The following ZMIZ1 variants were observed in gnomAD, a reference collection of about 807,000 sequenced individuals.
The protein encoded by ZMIZ1 is zinc finger MIZ-type containing 1, also known as zinc finger MIZ domain-containing protein 1.
A neutral mutation model predicts 113.9 loss-of-function variants in ZMIZ1; 17 were observed. The observed-to-expected ratio is 0.15, with a 90% CI of 0.10 to 0.22. The LOEUF is 0.22. ZMIZ1 is among the 10% of genes least tolerant of loss of function. The pLI is 1.00. For synonymous variants in ZMIZ1, 607 were observed against 603.1 expected, an observed-to-expected ratio of 1.01 and a Z score of -0.09; for missense variants, 1,059 against 1,477.8, an observed-to-expected ratio of 0.72 and a Z score of 4.65.
At position 79,296,888 on chromosome 10, in the gene ZMIZ1, T is replaced by C. The variant is rs900918093; in HGVS notation, c.1413+235T>C. 2.5e-6 allele frequency: 1 copy of C among 402,530 alleles called. No individual in the cohort carries two copies. The highest frequency in any genetic ancestry group is 4.4e-6 in the Non-Finnish European group (1 of 228,050). The allele number at this position is 402,530 out of a possible 1,614,324, so 24.9% of individuals were successfully genotyped here. On this transcript the variant is annotated intron_variant, in intron 13 of 24. Coordinates refer to ENST00000334512, the MANE Select transcript of ZMIZ1 (RefSeq NM_020338.4). This position sits in a 1 kb window ranked among gnomAD's most constrained non-coding sequence, Gnocchi z 4.1. ...TCGGATGATGGTTTTTTTTTCTCCT[T>C]TTCTTATTCACGGCACTCACAAAAT...
At chr10:79,105,443 C>CACTGA (rs1353238609) in intron 1 of ZMIZ1, among the ~76,000 whole-genome samples, 2 of 152,238 alleles carry the variant, frequency 1.3e-5, no homozygotes, top group Admixed American at 1.3e-4. Context: ...CTGAGAGTGC[C>CACTGA]ACTGAACTGA....
At chr10:79,266,581 C>T (rs1851619849) in intron 7 of ZMIZ1, among the ~76,000 whole-genome samples, 1 of 152,186 alleles carries the variant, frequency 6.6e-6, no homozygotes, top group Non-Finnish European at 1.5e-5. Context: ...CTTACAGAAG[C>T]ACACACATGG....
At chr10:79,263,152 G>A (rs1313172327) in intron 7 of ZMIZ1, among the ~76,000 whole-genome samples, 1 of 152,280 alleles carries the variant, frequency 6.6e-6, no homozygotes, top group East Asian at 1.9e-4. Flanking sequence ...CAGTGACAGA[G>A]ATGGTGCCAT....
At chr10:79,139,454 T>A (rs920622570) in intron 2 of ZMIZ1, among the ~76,000 whole-genome samples, 1 of 151,926 alleles carries the variant, frequency 6.6e-6, no homozygotes, top group Non-Finnish European at 1.5e-5. Flanking sequence ...ACAAAACTTA[T>A]ATTTATATAT....
intron 23 of ZMIZ1, among the ~76,000 whole-genome samples, chr10:79,309,452 G>A (rs1030730544): frequency 7.9e-5 from 12 of 152,308 alleles, no homozygotes; most frequent in Admixed American, 3.9e-4. Context: ...ATGGGTGGTG[G>A]CCCATTCCTC....
chr10:79,148,818 C>T (rs992267687), intron 3 of ZMIZ1, among the ~76,000 whole-genome samples: 3 of 152,160 alleles, frequency 2.0e-5, no homozygotes, highest in African/African-American at 4.8e-5. Flanking sequence ...TTCTGTCTTC[C>T]ACCCTGCTTG....
intron 2 of ZMIZ1, among the ~76,000 whole-genome samples, chr10:79,138,269 T>C (rs1450346954): frequency 6.6e-6 from 1 of 152,124 alleles, no homozygotes; most frequent in Non-Finnish European, 1.5e-5. Context: ...GCCAAGAGCA[T>C]AGGTTGTAGG....
At chr10:79,087,230 T>C (rs1043858263) in intron 1 of ZMIZ1, among the ~76,000 whole-genome samples, 2 of 152,216 alleles carry the variant, frequency 1.3e-5, no homozygotes, top group African/African-American at 4.8e-5. Flanking sequence ...ACATTATACA[T>C]GTATTAGATG....
At chr10:79,165,363 A>G (rs1207600269) in intron 4 of ZMIZ1, among the ~76,000 whole-genome samples, 3 of 152,138 alleles carry the variant, frequency 2.0e-5, no homozygotes, top group Non-Finnish European at 4.4e-5. Context: ...CCTTGCCCAG[A>G]GACCCAGGAT....
At chr10:79,255,903 T>C (rs561909850) in intron 7 of ZMIZ1, among the ~76,000 whole-genome samples, 3 of 152,348 alleles carry the variant, frequency 2.0e-5, no homozygotes, top group South Asian at 4.1e-4. Flanking sequence ...CAGAGCCGCA[T>C]TGTAAATCGG....
intron 3 of ZMIZ1, among the ~76,000 whole-genome samples, chr10:79,140,074 T>C (rs1325789381): frequency 1.3e-5 from 2 of 152,212 alleles, no homozygotes; most frequent in Non-Finnish European, 2.9e-5. Flanking sequence ...GTGTCTGATT[T>C]GGTTGAGCCA....
intron 7 of ZMIZ1, among the ~76,000 whole-genome samples, chr10:79,237,349 A>G (rs1247750729): frequency 6.6e-6 from 1 of 152,154 alleles, no homozygotes; most frequent in Non-Finnish European, 1.5e-5. Flanking sequence ...ATGTTTTGTG[A>G]CTTAGGTTTT....
chr10:79,133,917 T>G (rs899421953), intron 2 of ZMIZ1, among the ~76,000 whole-genome samples: 1 of 152,292 alleles, frequency 6.6e-6, no homozygotes, highest in Non-Finnish European at 1.5e-5. Context: ...CCATTCATTT[T>G]GCATTTATTT....
intron 2 of ZMIZ1, among the ~76,000 whole-genome samples, chr10:79,135,775 A>C (rs1030972413): frequency 6.6e-6 from 1 of 152,102 alleles, no homozygotes; most frequent in South Asian, 2.1e-4. Context: ...CTCCTCCTCT[A>C]TAAGATGGGG....
intron 8 of ZMIZ1, among the ~76,000 whole-genome samples, chr10:79,289,420 G>T (rs183527274): frequency 6.6e-5 from 10 of 152,296 alleles, no homozygotes; most frequent in Admixed American, 1.3e-4. Flanking sequence ...CTTCCTAAAG[G>T]GCAACGTGGA....
chr10:79,183,358 GCACACACA>G lies in ZMIZ1; in HGVS notation c.-49-18208_-49-18201del, dbSNP rs57212618. 7.8e-3 allele frequency among the ~76,000 whole-genome samples: 1,171 copies of G among 150,802 alleles called. 17 individuals carry two copies. The highest frequency in any genetic ancestry group is 0.026 in the African/African-American group (1,088 of 41,176). Reference sequence around the variant, plus strand: ...GCACAGGCCTGAGGCTCGTGCACGCGCACACACACACACACACACACACACGCACACAC... The same window carrying G: ...GCACAGGCCTGAGGCTCGTGCACGCGCACACACACACACACACGCACACAC... On this transcript the variant is annotated intron_variant, in intron 4 of 24. Transcript: ENST00000334512.
rs1855497106 is a variant in ZMIZ1, at chr10:79,315,780, G to A, written c.*3031G>A. ...AAGGGACGTGTGTACATATGTAAATGAGAAATAGAGACGTGTCAACAGATG... is the reference window on the plus strand; with the variant it reads ...AAGGGACGTGTGTACATATGTAAATAAGAAATAGAGACGTGTCAACAGATG... On this transcript the variant is annotated 3_prime_UTR_variant, in exon 25 of 25. Coordinates refer to ENST00000334512, the MANE Select transcript of ZMIZ1 (RefSeq NM_020338.4). The A allele has an allele frequency of 6.5e-6, 1 of 152,752 alleles. No homozygotes were observed. Among genetic ancestry groups the A allele is most frequent in the African/African-American group, 2.4e-5 (1 of 41,450 alleles). The allele number at this position is 152,752 out of a possible 1,614,324, so 9.5% of individuals were successfully genotyped here.
intron 4 of ZMIZ1, among the ~76,000 whole-genome samples, chr10:79,185,157 T>C (rs1024537725): frequency 3.9e-5 from 6 of 152,212 alleles, no homozygotes; most frequent in African/African-American, 1.2e-4. Context: ...ATCAGAACTT[T>C]GGAGGCTGGA....
At chr10:79,227,296 G>T (rs1404841304) in intron 7 of ZMIZ1, among the ~76,000 whole-genome samples, 2 of 152,158 alleles carry the variant, frequency 1.3e-5, no homozygotes, top group Non-Finnish European at 2.9e-5. Flanking sequence ...TCCCATCTTT[G>T]GGCTCATTCA....
Sources: allele counts gnomAD v4.1 joint callset (sites outside exome capture counted in the v4.1 genomes callset), GRCh38; gene constraint gnomAD v4.1.1; non-coding constraint Gnocchi (gnomAD v3.1); transcripts MANE v1.5; gene names NCBI Gene and HGNC (gene_info 2026-07-23, HGNC 2026-07-21).